SCN7A: variants seen among roughly 807,000 people sequenced by gnomAD.
SCN7A encodes the protein sodium channel protein type 7 subunit alpha.
A neutral mutation model predicts 155.2 loss-of-function variants in SCN7A; 138 were observed. The observed-to-expected ratio is 0.89, with a 90% CI of 0.77 to 1.02. The LOEUF is 1.02. Ranked by LOEUF, SCN7A falls within the 50% of genes least tolerant of loss-of-function variation. The pLI, the probability that SCN7A is intolerant of heterozygous loss-of-function variation, is 0.00. For missense variants in SCN7A, 2,058 were observed against 1,986.6 expected (o/e 1.04, Z -0.68); for synonymous variants, 693 against 649.0 (o/e 1.07, Z -1.03).
chr2:166,469,332 CT>C (rs1441591872), intron 7 of SCN7A, among the ~76,000 whole-genome samples: 4 of 151,462 alleles, frequency 2.6e-5, no homozygotes, highest in African/African-American at 9.7e-5. Context: ...ATTTTTATCA[CT>C]TTTTTGTCTT....
chr2:166,438,785 G>A (rs897413857), intron 15 of SCN7A, among the ~76,000 whole-genome samples: 8 of 151,794 alleles, frequency 5.3e-5, no homozygotes, highest in Non-Finnish European at 1.0e-4. Flanking sequence ...GACTGCTGAG[G>A]AAAATTAAGC....
In SCN7A at chr2:166,409,859, A is replaced by C; in HGVS notation, c.3788T>G (p.Phe1263Cys). The part of the protein sequence containing the change: ...FNVIVMVLIC[F>C]QAIAMMIDTD... ...GTCTATCATCATGGCTATTGCTTGG[A>C]AACATATAAGAACCATAACAATGAC... The change falls in exon 25 of 26, where the codon TTC becomes TGC. Residue 1263 changes from phenylalanine to cysteine, a missense_variant. Physicochemically the swap from Phe to Cys is radical, Grantham distance 205. Transcript: ENST00000643258. The C allele has an allele frequency of 6.4e-7, 1 of 1,570,206 alleles. No homozygotes were observed.
At chr2:166,484,242 C>T (rs1702995554) in intron 2 of SCN7A, among the ~76,000 whole-genome samples, 1 of 151,714 alleles carries the variant, frequency 6.6e-6, no homozygotes, top group African/African-American at 2.4e-5. Flanking sequence ...GGAAAGATGT[C>T]TTTTATTTTT....
chr2:166,459,395 T>C (rs1702353470), intron 10 of SCN7A, among the ~76,000 whole-genome samples: 2 of 152,156 alleles, frequency 1.3e-5, no homozygotes, highest in Non-Finnish European at 1.5e-5. Flanking sequence ...ACAAAGATCT[T>C]AGCACATCCC....
intron 1 of SCN7A, among the ~76,000 whole-genome samples, chr2:166,492,565 G>T (rs983669806): frequency 1.3e-5 from 2 of 152,138 alleles, no homozygotes; most frequent in African/African-American, 2.4e-5. Flanking sequence ...GCTAGCCAAA[G>T]CACACACTTT....
At chr2:166,457,489 G>C (rs979764439) in intron 10 of SCN7A, among the ~76,000 whole-genome samples, 1 of 133,740 alleles carries the variant, frequency 7.5e-6, no homozygotes, top group South Asian at 2.5e-4. Flanking sequence ...AGAATGTTTG[G>C]AGATTTTTTT....
rs1039483388 is a variant in SCN7A, at chr2:166,413,229, C to T, written c.3415-108G>A. 4 of 549,008 alleles carry T rather than the reference C, an allele frequency of 7.3e-6. No homozygotes were observed. In the South Asian group the frequency reaches 1.2e-4, roughly 17 times the overall value. The allele number at this position is 549,008 out of a possible 1,614,324, so 34.0% of individuals were successfully genotyped here. On this transcript the variant is annotated intron_variant, in intron 21 of 25. Coordinates refer to ENST00000643258, the MANE Select transcript of SCN7A (RefSeq NM_002976.4). ...TATTTGACATAGGCTTGCCACACTT[C>T]CATATACTGTGTAATTGGGATCCTT...
chr2:166,437,743 A>T (rs912327125), intron 15 of SCN7A, among the ~76,000 whole-genome samples: 1 of 152,046 alleles, frequency 6.6e-6, no homozygotes, highest in Non-Finnish European at 1.5e-5. Context: ...GTAAAAGGAG[A>T]TCATTTTGGA....
rs143366521 is a variant in SCN7A, at chr2:166,485,532, C to T, written c.-15+1324G>A. 1.6e-4 allele frequency among the ~76,000 whole-genome samples: 24 copies of T among 152,134 alleles called. No homozygotes were observed. The East Asian group carries it at 3.9e-3, about 25-fold the overall frequency. On this transcript the variant is annotated intron_variant, in intron 2 of 25. Transcript: ENST00000643258. ...GCAGTTGAAACACTAGAAAAGGACA[C>T]GAATCACTGGGAATAAGATCTTTTT... is the stretch of plus-strand genomic sequence containing the variant.
chr2:166,420,529 T>C (rs1043399499), intron 20 of SCN7A, among the ~76,000 whole-genome samples: 2 of 152,124 alleles, frequency 1.3e-5, no homozygotes, highest in Admixed American at 6.6e-5. Flanking sequence ...TCCATTTTTT[T>C]CTATTAGGTC....
At chr2:166,452,829 T>A (rs2105456333) in intron 11 of SCN7A, among the ~76,000 whole-genome samples, 1 of 152,284 alleles carries the variant, frequency 6.6e-6, no homozygotes, top group Non-Finnish European at 1.5e-5. Flanking sequence ...AACTCCTCAA[T>A]AAGGATTAAA....
chr2:166,438,613 A>G (rs112409401), intron 15 of SCN7A, among the ~76,000 whole-genome samples: 46 of 152,304 alleles, frequency 3.0e-4, no homozygotes, highest in Non-Finnish European at 5.6e-4. Context: ...TAGAAGAGTA[A>G]GACAAAATTA....
chr2:166,414,271 CATATATATATATAT>C (rs1177888543), intron 21 of SCN7A, among the ~76,000 whole-genome samples: 4 of 27,752 alleles, frequency 1.4e-4, no homozygotes, highest in African/African-American at 5.0e-4. Flanking sequence ...TATACACACA[CATATATATATATAT>C]ACACACACAT....
Position 166,427,927 on chromosome 2 carries a change from G to C in SCN7A, c.2714C>G (p.Ser905Cys), listed in dbSNP as rs747787219. ...TGCTCCACTGATTTGACCAAGTGAA[G>C]ATCCGCGTCTGCAACCTGTCAAGAT... ...KHLKNGCRRG[S>C]SLGQISGASK... The change falls in exon 18 of 26, where the codon TCT becomes TGT. Residue 905 changes from serine to cysteine, a missense_variant. Transcript: ENST00000643258. 1.2e-6 allele frequency: 2 copies of C among 1,612,536 alleles called. No homozygotes were observed. Among genetic ancestry groups the C allele is most frequent in the African/African-American group, 1.3e-5 (1 of 74,830 alleles).
chr2:166,477,426 T>C, intron 3 of SCN7A, 37 bp downstream of exon 3: 1 of 1,233,712 alleles, frequency 8.1e-7, no homozygotes, highest in East Asian at 2.7e-5. Context: ...AATAAAATAA[T>C]AAAAATGTCA....
intron 21 of SCN7A, among the ~76,000 whole-genome samples, chr2:166,414,151 ATATATATAATATAT>A (rs1466793401): frequency 5.4e-5 from 3 of 55,134 alleles, no homozygotes; most frequent in African/African-American, 3.9e-4. Flanking sequence ...ATATATATAA[ATATATATAATATAT>A]TATATATATG....
At chr2:166,484,578 T>C (rs910757172) in intron 2 of SCN7A, among the ~76,000 whole-genome samples, 1 of 151,970 alleles carries the variant, frequency 6.6e-6, no homozygotes, top group African/African-American at 2.4e-5. Context: ...AAAAATCTAA[T>C]CTTGAAGGCT....
At chr2:166,427,156 C>T (rs76747616) in intron 18 of SCN7A, among the ~76,000 whole-genome samples, 2,379 of 152,172 alleles carry the variant, frequency 0.016, 42 homozygotes, top group South Asian at 0.08. Flanking sequence ...TTTAAAATAG[C>T]TGCACAGAGT....
Position 166,432,513 on chromosome 2 carries a change from G to C in SCN7A, c.2397C>G (p.Ser799Arg). The change falls in exon 16 of 26, where the codon AGC (serine) becomes AGG (arginine). Residue 799 changes from serine to arginine, a missense_variant. Transcript: ENST00000643258. ...DISDHTLSEL[S>R]NTQDFLKDKE... is the part of the protein sequence containing the mutation. ...TATCTTTGAGAAAATCTTGGGTGTTGCTCAATTCAGAAAGGGTATGGTCAG... is the reference window on the plus strand; with the variant it reads ...TATCTTTGAGAAAATCTTGGGTGTTCCTCAATTCAGAAAGGGTATGGTCAG... The C allele has an allele frequency of 2.5e-6, 4 of 1,613,596 alleles. No individual in the cohort carries two copies. Among genetic ancestry groups the C allele is most frequent in the Non-Finnish European group, 3.4e-6 (4 of 1,179,678 alleles).
Sources: allele counts gnomAD v4.1 joint callset (sites outside exome capture counted in the v4.1 genomes callset), GRCh38; gene constraint gnomAD v4.1.1; transcripts MANE v1.5; gene names NCBI Gene and HGNC (gene_info 2026-07-23, HGNC 2026-07-21).